UNC5C: variants seen among roughly 807,000 people sequenced by gnomAD.
UNC5C encodes the protein netrin receptor UNC5C.
UNC5C carries 47 observed loss-of-function variants against 99.8 expected under a neutral mutation model. The ratio of observed to expected loss-of-function variants is 0.47; its 90% CI spans 0.37 to 0.60. The LOEUF (loss-of-function observed/expected upper bound fraction) is 0.60. Among genes scored for constraint, UNC5C ranks in the 20% least tolerant of loss-of-function variants. The pLI is 0.00. For missense variants in UNC5C, 1,062 were observed against 1,165.9 expected (o/e 0.91, Z 1.30); for synonymous variants, 487 against 452.2 (o/e 1.08, Z -0.98).
chr4:95,509,922 G>A (rs763050397), intron 1 of UNC5C, among the ~76,000 whole-genome samples: 7 of 151,798 alleles, frequency 4.6e-5, no homozygotes, highest in South Asian at 2.1e-4. Flanking sequence ...TGCGTTTCAC[G>A]TCGATAATTA....
At chr4:95,390,243 A>G (rs1745318860) in intron 1 of UNC5C, among the ~76,000 whole-genome samples, 1 of 152,222 alleles carries the variant, frequency 6.6e-6, no homozygotes. Flanking sequence ...GGATTTGTTA[A>G]GATGCTTAGC....
At chr4:95,172,205 TG>T (rs1246709747) in intron 14 of UNC5C, among the ~76,000 whole-genome samples, 2 of 151,580 alleles carry the variant, frequency 1.3e-5, no homozygotes, top group Non-Finnish European at 2.9e-5. Flanking sequence ...TTGACTCTGA[TG>T]GTAGTTTCTT....
intron 10 of UNC5C, among the ~76,000 whole-genome samples, chr4:95,214,789 AAGAG>A (rs1738191941): frequency 6.6e-6 from 1 of 152,238 alleles, no homozygotes; most frequent in South Asian, 2.1e-4. Flanking sequence ...TTGACTCTGG[AAGAG>A]AGAAAGAAAA....
intron 1 of UNC5C, among the ~76,000 whole-genome samples, chr4:95,530,493 C>T (rs1274013501): frequency 6.6e-6 from 1 of 152,152 alleles, no homozygotes; most frequent in Non-Finnish European, 1.5e-5. Context: ...AAATGCAAAA[C>T]ACTACCAAGG....
At chr4:95,468,398 G>A (rs1437233361) in intron 1 of UNC5C, among the ~76,000 whole-genome samples, 4 of 152,030 alleles carry the variant, frequency 2.6e-5, no homozygotes, top group Non-Finnish European at 5.9e-5. Flanking sequence ...TCTCTGGCAT[G>A]GTGGCTATTA....
chr4:95,277,473 AG>A (rs1439588448), intron 4 of UNC5C, among the ~76,000 whole-genome samples: 1 of 152,194 alleles, frequency 6.6e-6, no homozygotes, highest in Non-Finnish European at 1.5e-5. Flanking sequence ...CTGTTTTTAG[AG>A]TTTAGGATTT....
At chr4:95,507,246 A>C (rs1418241589) in intron 1 of UNC5C, among the ~76,000 whole-genome samples, 1 of 152,030 alleles carries the variant, frequency 6.6e-6, no homozygotes, top group Admixed American at 6.6e-5. Flanking sequence ...GATACAAAGG[A>C]AAGTGTTTAT....
chr4:95,521,285 C>T (rs1371909654), intron 1 of UNC5C, among the ~76,000 whole-genome samples: 1 of 141,640 alleles, frequency 7.1e-6, no homozygotes, highest in Non-Finnish European at 1.5e-5. Flanking sequence ...TGGCGTGAAT[C>T]TCAGCTCACT....
intron 3 of UNC5C, 26 bp from the exon 4 acceptor site, chr4:95,278,388 A>G (rs754126482): frequency 6.4e-7 from 1 of 1,572,222 alleles, no homozygotes; most frequent in South Asian, 1.1e-5. Context: ...GACAAAATAC[A>G]TGTCAAAATT....
At chr4:95,192,635 TCCTGCTCACCTCTTCTGCTCACCTCTTCC>T (rs1737198606) in intron 12 of UNC5C, among the ~76,000 whole-genome samples, 1 of 136,344 alleles carries the variant, frequency 7.3e-6, no homozygotes, top group African/African-American at 2.8e-5. Flanking sequence ...CACCCTCCTC[TCCTGCTCACCTCTTCTGCTCACCTCTTCC>T]CCTGCTCACC....
At chr4:95,315,996 T>C (rs1382292832) in intron 2 of UNC5C, among the ~76,000 whole-genome samples, 5 of 152,182 alleles carry the variant, frequency 3.3e-5, no homozygotes, top group Non-Finnish European at 5.9e-5. Flanking sequence ...TTGGTAACAC[T>C]TCTGTCAGAT....
At chr4:95,409,303 T>C (rs1310233804) in intron 1 of UNC5C, among the ~76,000 whole-genome samples, 1 of 152,176 alleles carries the variant, frequency 6.6e-6, no homozygotes, top group African/African-American at 2.4e-5. Context: ...CTCAGGACTC[T>C]TGTATTTCCT....
At chr4:95,428,420 A>G (rs554070919) in intron 1 of UNC5C, among the ~76,000 whole-genome samples, 2 of 152,276 alleles carry the variant, frequency 1.3e-5, no homozygotes, top group South Asian at 4.1e-4. Flanking sequence ...CATTTGATAC[A>G]CATTTTGCCT....
chr4:95,258,850 T>C (rs1026433775), intron 4 of UNC5C, among the ~76,000 whole-genome samples: 51 of 142,832 alleles, frequency 3.6e-4, no homozygotes, highest in African/African-American at 1.2e-3. Context: ...CAAGCTCCGC[T>C]TCCCGGGTTC....
chr4:95,466,532 A>C (rs1414382599), intron 1 of UNC5C, among the ~76,000 whole-genome samples: 1 of 152,118 alleles, frequency 6.6e-6, no homozygotes, highest in Non-Finnish European at 1.5e-5. Context: ...AGAGGAGCAA[A>C]TGTTGGTAGT....
At chr4:95,216,746 C>T (rs367920694) in intron 9 of UNC5C, among the ~76,000 whole-genome samples, 1 of 152,210 alleles carries the variant, frequency 6.6e-6, no homozygotes, top group Non-Finnish European at 1.5e-5. Flanking sequence ...CAGGTCAAAG[C>T]GTTTCTAGTT....
chr4:95,331,809 G>T (rs2149418902), intron 2 of UNC5C, among the ~76,000 whole-genome samples: 1 of 152,196 alleles, frequency 6.6e-6, no homozygotes, highest in South Asian at 2.1e-4. Flanking sequence ...GTGTGGGTGT[G>T]TTACCAACAT....
In UNC5C at chr4:95,378,180, G is replaced by A. The variant is rs543579736; in HGVS notation, c.125-42549C>T. On this transcript the variant is annotated intron_variant, in intron 1 of 15. Coordinates refer to ENST00000453304, the MANE Select transcript of UNC5C (RefSeq NM_003728.4). Reference sequence around the variant, plus strand: ...TCTTTCCCAAAGGAATACGCTGATGGAAATGAGAATTATAGTTTTAACAAT... The same window carrying A: ...TCTTTCCCAAAGGAATACGCTGATGAAAATGAGAATTATAGTTTTAACAAT... Among the ~76,000 whole-genome samples the A allele has an allele frequency of 5.3e-5, 8 of 152,280 alleles. No homozygotes were observed. The South Asian group carries it at 1.4e-3, about 28-fold the overall frequency.
chr4:95,247,734 C>A (rs1441150342), intron 5 of UNC5C, among the ~76,000 whole-genome samples: 2 of 152,098 alleles, frequency 1.3e-5, no homozygotes, highest in African/African-American at 2.4e-5. Flanking sequence ...TTGATCCTTC[C>A]TAAAGACAAC....
Sources: gnomAD v4.1 joint callset for allele counts (sites outside exome capture counted in the v4.1 genomes callset) on GRCh38, gnomAD v4.1.1 for gene constraint, MANE v1.5 for transcripts, NCBI Gene and HGNC (gene_info 2026-07-23, HGNC 2026-07-21) for gene names.